The following GSK3B variants were observed in gnomAD, a reference collection of about 807,000 sequenced individuals.
The protein encoded by GSK3B is glycogen synthase kinase 3 beta, also known as glycogen synthase kinase-3 beta.
A neutral mutation model predicts 56.4 loss-of-function variants in GSK3B; 15 were observed. The observed-to-expected ratio is 0.27, with a 90% CI of 0.18 to 0.41. The LOEUF is 0.41. Ranked by LOEUF, GSK3B falls within the 10% of genes least tolerant of loss-of-function variation. The pLI is 1.00. For synonymous variants in GSK3B, 181 were observed against 188.9 expected, an observed-to-expected ratio of 0.96 and a Z score of 0.34; for missense variants, 300 against 513.4, an observed-to-expected ratio of 0.58 and a Z score of 4.02.
At chr3:119,947,110 T>TC in intron 3 of GSK3B, among the ~76,000 whole-genome samples, 158 bp downstream of exon 3, 1 of 152,338 alleles carries the variant, frequency 6.6e-6, no homozygotes, top group East Asian at 1.9e-4. Context: ...TAACTAATGA[T>TC]ATCAATGACC....
intron 1 of GSK3B, among the ~76,000 whole-genome samples, chr3:120,032,595 C>A (rs2057987081): frequency 6.6e-6 from 1 of 152,200 alleles, no homozygotes; most frequent in South Asian, 2.1e-4. Flanking sequence ...AGGAGGATCA[C>A]TGGCGCCCAA....
intron 1 of GSK3B, among the ~76,000 whole-genome samples, chr3:120,014,717 C>CA (rs577233091): frequency 2.4e-3 from 370 of 151,336 alleles, no homozygotes; most frequent in Non-Finnish European, 3.6e-3. Context: ...TTAGAAAAAA[C>CA]AAAAAAAACA....
chr3:119,930,584 C>T (rs1052288305), intron 3 of GSK3B, among the ~76,000 whole-genome samples: 1 of 152,078 alleles, frequency 6.6e-6, no homozygotes, highest in African/African-American at 2.4e-5. Flanking sequence ...TAGACCAAAC[C>T]TGCAATATGA....
chr3:120,026,546 C>CACACACACACAT (rs2057927959), intron 1 of GSK3B, among the ~76,000 whole-genome samples: 1 of 121,660 alleles, frequency 8.2e-6, no homozygotes, highest in Non-Finnish European at 1.7e-5. Flanking sequence ...CACACACACA[C>CACACACACACAT]ACACACAAAC....
chr3:119,987,856 T>C (rs1429254535), intron 2 of GSK3B, among the ~76,000 whole-genome samples: 1 of 152,238 alleles, frequency 6.6e-6, no homozygotes, highest in Admixed American at 6.5e-5. Context: ...TCTATATTTG[T>C]ATGTTACTCA....
chr3:120,044,562 A>T (rs2107535214), intron 1 of GSK3B, among the ~76,000 whole-genome samples: 1 of 152,340 alleles, frequency 6.6e-6, no homozygotes, highest in Admixed American at 6.5e-5. Flanking sequence ...TTTAGACGCA[A>T]TTGGAATCTC....
intron 7 of GSK3B, among the ~76,000 whole-genome samples, chr3:119,888,179 A>C (rs1277129036): frequency 6.6e-6 from 1 of 152,156 alleles, no homozygotes; most frequent in Non-Finnish European, 1.5e-5. Context: ...GGTTAAATGT[A>C]TGATATTTCC....
chr3:119,930,886 C>A (rs1404535099), intron 3 of GSK3B, among the ~76,000 whole-genome samples: 1 of 152,122 alleles, frequency 6.6e-6, no homozygotes, highest in Non-Finnish European at 1.5e-5. Flanking sequence ...ATATTTTATT[C>A]ATAATATTAA....
At chr3:119,949,451 A>G (rs2057132560) in intron 2 of GSK3B, among the ~76,000 whole-genome samples, 1 of 152,100 alleles carries the variant, frequency 6.6e-6, no homozygotes, top group Admixed American at 6.6e-5. Flanking sequence ...AAATGTAAAA[A>G]CCTAGTAGTG....
At chr3:120,085,887 T>A (rs180706841) in intron 1 of GSK3B, among the ~76,000 whole-genome samples, 2 of 152,254 alleles carry the variant, frequency 1.3e-5, no homozygotes, top group African/African-American at 4.8e-5. Flanking sequence ...TACCTTTCCT[T>A]GGAAAAAAAC....
intron 1 of GSK3B, among the ~76,000 whole-genome samples, chr3:120,022,031 T>C (rs2057882909): frequency 6.6e-6 from 1 of 152,218 alleles, no homozygotes; most frequent in Non-Finnish European, 1.5e-5. Context: ...CACCCATCTC[T>C]ATTAAAAACT....
rs189197933 is a variant in GSK3B, at chr3:119,963,191, T to C, written c.283-15840A>G. On this transcript the variant is annotated intron_variant, in intron 2 of 10. Coordinates refer to ENST00000264235, the MANE Select transcript of GSK3B (RefSeq NM_001146156.2). ...ATTATAAAACGCTAATGAAAGAAAT[T>C]AAGGCAGATACAAATAGATGGAAAA... Among the ~76,000 whole-genome samples the C allele has an allele frequency of 3.1e-4, 47 of 152,212 alleles. No individual in the cohort carries two copies. In the East Asian group the frequency reaches 9.1e-3, roughly 29 times the overall value.
At chr3:120,061,990 C>A (rs2107553410) in intron 1 of GSK3B, among the ~76,000 whole-genome samples, 1 of 152,228 alleles carries the variant, frequency 6.6e-6, no homozygotes, top group African/African-American at 2.4e-5. Context: ...CCTTGGCCTC[C>A]CAAAGTGTTG....
chr3:119,927,321 G>C (rs2056897934), intron 3 of GSK3B, among the ~76,000 whole-genome samples: 1 of 152,156 alleles, frequency 6.6e-6, no homozygotes, highest in Non-Finnish European at 1.5e-5. Context: ...GGTATGGAGA[G>C]GAGACTTGGG....
chr3:119,922,005 C>T (rs189004912), intron 4 of GSK3B, among the ~76,000 whole-genome samples: 132 of 152,012 alleles, frequency 8.7e-4, no homozygotes, highest in East Asian at 2.7e-3. Flanking sequence ...GGCATGGTCG[C>T]GTGTGCCTGT....
At chr3:120,082,939 T>C (rs2107579167) in intron 1 of GSK3B, among the ~76,000 whole-genome samples, 1 of 152,040 alleles carries the variant, frequency 6.6e-6, no homozygotes, top group East Asian at 1.9e-4. Context: ...TTATATAATA[T>C]TTCTTCTGAA....
intron 2 of GSK3B, among the ~76,000 whole-genome samples, chr3:119,950,792 G>C (rs2107495543): frequency 6.6e-6 from 1 of 152,300 alleles, no homozygotes; most frequent in Non-Finnish European, 1.5e-5. Flanking sequence ...AAAGCTGCTA[G>C]ATATGACAGA....
At chr3:120,032,969 T>C (rs943927088) in intron 1 of GSK3B, among the ~76,000 whole-genome samples, 1 of 152,200 alleles carries the variant, frequency 6.6e-6, no homozygotes, top group African/African-American at 2.4e-5. Flanking sequence ...ATCAATTTCA[T>C]TACCCCAAAA....
intron 2 of GSK3B, among the ~76,000 whole-genome samples, chr3:119,952,401 T>C (rs973160941): frequency 2.0e-5 from 3 of 150,600 alleles, no homozygotes; most frequent in East Asian, 2.0e-4. Context: ...GGCAGGAGAA[T>C]TGCTTGAGCC....
Sources: allele counts gnomAD v4.1 joint callset (sites outside exome capture counted in the v4.1 genomes callset), GRCh38; gene constraint gnomAD v4.1.1; transcripts MANE v1.5; gene names NCBI Gene and HGNC (gene_info 2026-07-23, HGNC 2026-07-21).